NSMCE2: variants seen among roughly 807,000 people sequenced by gnomAD.
The protein encoded by NSMCE2 is NSE2 SUMO ligase component of SMC5/6 complex, also known as E3 SUMO-protein ligase NSE2.
NSMCE2 carries 24 observed loss-of-function variants against 23.8 expected under a neutral mutation model. The observed-to-expected ratio is 1.01, with a 90% CI of 0.73 to 1.42. NSMCE2 has a LOEUF of 1.42. Among genes scored for constraint, NSMCE2 ranks in the 40% most tolerant of loss-of-function variants. NSMCE2 has a pLI of 0.00. For missense variants in NSMCE2, 284 were observed against 296.5 expected (o/e 0.96, Z 0.31); for synonymous variants, 92 against 94.1 (o/e 0.98, Z 0.13).
intron 1 of NSMCE2, among the ~76,000 whole-genome samples, chr8:125,097,263 G>A (rs763128625): frequency 3.9e-5 from 6 of 152,142 alleles, no homozygotes; most frequent in Middle Eastern, 3.4e-3. Context: ...TGCCATATTT[G>A]TTTCAGGTCT....
In NSMCE2 at chr8:125,122,244, A is replaced by G. The variant is rs1180263100; in HGVS notation, c.157+19757A>G. Among the ~76,000 whole-genome samples, 5 of 152,094 alleles carry G rather than the reference A, an allele frequency of 3.3e-5. No individual in the cohort carries two copies. In the East Asian group the frequency reaches 9.6e-4, roughly 29 times the overall value. On this transcript the variant is annotated intron_variant, in intron 3 of 7. Coordinates refer to ENST00000287437, the MANE Select transcript of NSMCE2 (RefSeq NM_173685.4). ...CTATGCTAGAAATACAAAGATATGAAGATACTTCAACAAATCTCTAGATCC... is the reference window on the plus strand; with the variant it reads ...CTATGCTAGAAATACAAAGATATGAGGATACTTCAACAAATCTCTAGATCC...
chr8:125,304,820 A>G (rs564281947), intron 5 of NSMCE2, among the ~76,000 whole-genome samples: 135 of 135,376 alleles, frequency 1.0e-3, no homozygotes, highest in Middle Eastern at 3.5e-3. Context: ...CCCTGGAGGC[A>G]GAGGTTACAG....
intron 5 of NSMCE2, among the ~76,000 whole-genome samples, chr8:125,353,680 C>T (rs1017005511): frequency 2.6e-5 from 4 of 151,794 alleles, no homozygotes; most frequent in South Asian, 2.1e-4. Context: ...GTCAGGAGTT[C>T]GAGACCAGCG....
At chr8:125,175,947 A>G (rs762559448) in intron 4 of NSMCE2, among the ~76,000 whole-genome samples, 2 of 152,222 alleles carry the variant, frequency 1.3e-5, no homozygotes, top group Non-Finnish European at 2.9e-5. Context: ...TCCTGAAACA[A>G]CAAGCCTCTA....
At chr8:125,284,008 G>T (rs1827795919) in intron 5 of NSMCE2, among the ~76,000 whole-genome samples, 1 of 152,032 alleles carries the variant, frequency 6.6e-6, no homozygotes, top group South Asian at 2.1e-4. Context: ...AAAAAAATTA[G>T]CTGGGCGTGG....
At chr8:125,247,115 G>T (rs1231656473) in intron 5 of NSMCE2, among the ~76,000 whole-genome samples, 2 of 151,528 alleles carry the variant, frequency 1.3e-5, no homozygotes, top group Non-Finnish European at 1.5e-5. Flanking sequence ...GATTGCTTGA[G>T]CCCAGGAGTT....
chr8:125,176,794 T>C (rs1289726764), intron 4 of NSMCE2, among the ~76,000 whole-genome samples: 1 of 152,252 alleles, frequency 6.6e-6, no homozygotes, highest in Non-Finnish European at 1.5e-5. Flanking sequence ...TGGAAAAGCC[T>C]GGGCTTGCCT....
chr8:125,271,076 A>G (rs1300611538), intron 5 of NSMCE2, among the ~76,000 whole-genome samples: 1 of 152,070 alleles, frequency 6.6e-6, no homozygotes, highest in East Asian at 1.9e-4. Flanking sequence ...CCTGAACAAC[A>G]TAGTGAGACC....
intron 5 of NSMCE2, among the ~76,000 whole-genome samples, chr8:125,316,771 CTCTCTCTCTCTTTCTTT>C (rs1829223464): frequency 7.1e-5 from 10 of 140,210 alleles, no homozygotes; most frequent in African/African-American, 1.9e-4. Flanking sequence ...TTCCTTCCTT[CTCTCTCTCTCTTTCTTT>C]CTTTCTTTCT....
At chr8:125,218,009 C>T (rs942394628) in intron 5 of NSMCE2, among the ~76,000 whole-genome samples, 1 of 152,150 alleles carries the variant, frequency 6.6e-6, no homozygotes, top group Non-Finnish European at 1.5e-5. Flanking sequence ...TTGTTACTGT[C>T]ATATGAGCCT....
chr8:125,190,722 A>G (rs957601006), intron 5 of NSMCE2, among the ~76,000 whole-genome samples: 1 of 152,128 alleles, frequency 6.6e-6, no homozygotes, highest in Non-Finnish European at 1.5e-5. Flanking sequence ...TTCCTATTGG[A>G]TGATAGTTAT....
At chr8:125,121,570 C>T (rs1251851479) in intron 3 of NSMCE2, among the ~76,000 whole-genome samples, 1 of 152,106 alleles carries the variant, frequency 6.6e-6, no homozygotes, top group Non-Finnish European at 1.5e-5. Flanking sequence ...ATGAGGAGAC[C>T]ATGAATCTGT....
At chr8:125,190,062 A>G (rs748313145) in intron 5 of NSMCE2, among the ~76,000 whole-genome samples, 19 of 152,166 alleles carry the variant, frequency 1.2e-4, no homozygotes, top group Admixed American at 3.3e-4. Flanking sequence ...AAAATCTTAA[A>G]TGTCACAACC....
At chr8:125,115,152 A>G (rs1242829737) in intron 3 of NSMCE2, among the ~76,000 whole-genome samples, 1 of 152,126 alleles carries the variant, frequency 6.6e-6, no homozygotes, top group African/African-American at 2.4e-5. Context: ...CAAGTAACTA[A>G]GAAATTTGGG....
intron 5 of NSMCE2, among the ~76,000 whole-genome samples, chr8:125,198,059 G>A (rs1823702725): frequency 6.6e-6 from 1 of 152,224 alleles, no homozygotes; most frequent in Non-Finnish European, 1.5e-5. Context: ...CTTTGCCGAA[G>A]TTGCTTATCA....
At chr8:125,233,143 AC>A (rs1483405471) in intron 5 of NSMCE2, among the ~76,000 whole-genome samples, 1 of 152,116 alleles carries the variant, frequency 6.6e-6, no homozygotes, top group Non-Finnish European at 1.5e-5. Context: ...TAGTGCTAAA[AC>A]TTTTTGTCCT....
chr8:125,320,988 G>A lies in NSMCE2; in HGVS notation c.419-36231G>A, dbSNP rs75027683. ...ATGGCCAGAGCAGGAGGAAGAGAGA[G>A]GGGCTACGCACTTTTCAACCACCGG... On this transcript the variant is annotated intron_variant, in intron 5 of 7. Transcript: ENST00000287437. Among the ~76,000 whole-genome samples, 390 of 152,010 alleles carry A rather than the reference G, an allele frequency of 2.6e-3. 1 individual carries two copies. The highest frequency in any genetic ancestry group is 8.9e-3 in the African/African-American group (369 of 41,438).
At chr8:125,204,621 A>G (rs555060691) in intron 5 of NSMCE2, among the ~76,000 whole-genome samples, 1 of 152,334 alleles carries the variant, frequency 6.6e-6, no homozygotes, top group African/African-American at 2.4e-5. Flanking sequence ...TTGTTTATGT[A>G]CATTTTCCTC....
chr8:125,143,684 C>G (rs1820503994), intron 3 of NSMCE2, among the ~76,000 whole-genome samples: 1 of 152,152 alleles, frequency 6.6e-6, no homozygotes. Flanking sequence ...ACATCTGATT[C>G]TGCGATTTTT....
Sources: gnomAD v4.1 joint callset for allele counts (sites outside exome capture counted in the v4.1 genomes callset) on GRCh38, gnomAD v4.1.1 for gene constraint, MANE v1.5 for transcripts, NCBI Gene and HGNC (gene_info 2026-07-23, HGNC 2026-07-21) for gene names.